ACOT7: variants seen among roughly 807,000 people sequenced by gnomAD.
ACOT7 encodes acyl-CoA thioesterase 7, also known as cytosolic acyl coenzyme A thioester hydrolase.
ACOT7 carries 12 observed loss-of-function variants against 40.2 expected under a neutral mutation model. The ratio of observed to expected loss-of-function variants is 0.30; its 90% CI spans 0.19 to 0.48. The LOEUF is 0.48. ACOT7 is among the 20% of genes least tolerant of loss of function. The pLI is 0.99. For missense variants in ACOT7, 395 were observed against 530.8 expected (o/e 0.74, Z 2.51); for synonymous variants, 228 against 219.5 (o/e 1.04, Z -0.34).
chr1:6,277,374 C>T (rs1042503359), intron 8 of ACOT7, among the ~76,000 whole-genome samples: 7 of 152,252 alleles, frequency 4.6e-5, no homozygotes, highest in African/African-American at 1.7e-4. Context: ...GGAGGATGCC[C>T]CCCACTATCA....
At chr1:6,273,954 CTT>C (rs1253322169) in intron 8 of ACOT7, among the ~76,000 whole-genome samples, 1 of 152,230 alleles carries the variant, frequency 6.6e-6, no homozygotes, top group Non-Finnish European at 1.5e-5. Context: ...GTGGGGACCT[CTT>C]TCTCTGTCCT....
In ACOT7 at chr1:6,359,852, C is replaced by G. The variant is rs376362421; in HGVS notation, c.144-9986G>C. ...TCAACCAGGCTGCACCCGCCGGCCT[C>G]TGGGCAAGTTTCACATGTTTAGTTG... On this transcript the variant is annotated intron_variant, in intron 1 of 8. Coordinates refer to ENST00000361521, the MANE Select transcript of ACOT7 (RefSeq NM_007274.4). This position sits in a 1 kb window ranked among gnomAD's most constrained non-coding sequence, Gnocchi z 4.1. Among the ~76,000 whole-genome samples the G allele has an allele frequency of 9.2e-5, 14 of 152,278 alleles. No individual in the cohort carries two copies. The East Asian group carries it at 2.1e-3, about 23-fold the overall frequency.
At position 6,355,367 on chromosome 1, in the gene ACOT7, A is replaced by T. The variant is rs1420321228; in HGVS notation, c.144-5501T>A. 6.6e-6 allele frequency among the ~76,000 whole-genome samples: 1 copy of T among 152,196 alleles called. No individual in the cohort carries two copies. The highest frequency in any genetic ancestry group is 1.5e-5 in the Non-Finnish European group (1 of 68,040). On this transcript the variant is annotated intron_variant, in intron 1 of 8. Transcript: ENST00000361521. This position sits in a 1 kb window ranked among gnomAD's most constrained non-coding sequence, Gnocchi z 5.0. ...GGTACTCACTGCACAGCCGTGTATA[A>T]CGCAGGACATGGGCCAGCGCCGAGA...
chr1:6,384,128 C>G (rs938852690), intron 1 of ACOT7, among the ~76,000 whole-genome samples: 39 of 151,886 alleles, frequency 2.6e-4, no homozygotes, highest in Admixed American at 2.0e-3. Flanking sequence ...GGACTTGCAT[C>G]TAGAATATAT....
chr1:6,363,681 C>T (rs1401732953), intron 1 of ACOT7, among the ~76,000 whole-genome samples: 5 of 152,166 alleles, frequency 3.3e-5, no homozygotes, highest in African/African-American at 1.2e-4. Flanking sequence ...ATGTGACCCA[C>T]GTGACCTTAC....
At chr1:6,372,484 C>T (rs540270947) in intron 1 of ACOT7, among the ~76,000 whole-genome samples, 3 of 152,082 alleles carry the variant, frequency 2.0e-5, no homozygotes, top group East Asian at 3.9e-4. Context: ...GTTTGGCACA[C>T]GAGGCCTAGC....
intron 1 of ACOT7, among the ~76,000 whole-genome samples, chr1:6,374,887 A>G (rs1399051431): frequency 6.6e-6 from 1 of 152,188 alleles, no homozygotes; most frequent in African/African-American, 2.4e-5. Context: ...CATCTGCTGA[A>G]AACGATGGCT....
intron 1 of ACOT7, among the ~76,000 whole-genome samples, chr1:6,353,679 T>C (rs1641659363): frequency 6.6e-6 from 1 of 152,198 alleles, no homozygotes; most frequent in Admixed American, 6.5e-5. Flanking sequence ...ATCTCTAGGA[T>C]TCCTGGGGTT....
intron 1 of ACOT7, among the ~76,000 whole-genome samples, chr1:6,369,343 C>T (rs1444913595): frequency 6.7e-6 from 1 of 148,322 alleles, no homozygotes; most frequent in African/African-American, 2.5e-5. Flanking sequence ...TTTCAATTTA[C>T]ATTGCCCAGA....
intron 2 of ACOT7, among the ~76,000 whole-genome samples, chr1:6,347,252 G>C (rs1182379792): frequency 6.6e-6 from 1 of 152,142 alleles, no homozygotes; most frequent in Non-Finnish European, 1.5e-5. Context: ...CACCATCCTG[G>C]GGACCAGCCT....
intron 2 of ACOT7, among the ~76,000 whole-genome samples, chr1:6,348,114 C>T (rs1641483642): frequency 1.3e-5 from 2 of 151,834 alleles, no homozygotes; most frequent in South Asian, 2.1e-4. Flanking sequence ...CCACAGCCAC[C>T]AGAGGGTGCT....
At chr1:6,376,225 C>T (rs187127242) in intron 1 of ACOT7, among the ~76,000 whole-genome samples, 1 of 151,910 alleles carries the variant, frequency 6.6e-6, no homozygotes, top group East Asian at 2.0e-4. Flanking sequence ...CAGTGCACTC[C>T]AGCCTGAGGA....
intron 6 of ACOT7, among the ~76,000 whole-genome samples, chr1:6,315,358 C>T (rs1283119228): frequency 6.6e-6 from 1 of 152,200 alleles, no homozygotes; most frequent in Non-Finnish European, 1.5e-5. Context: ...CCATTCTTGC[C>T]AACAGTACTT....
At chr1:6,322,117 C>A (rs542676156) in intron 5 of ACOT7, among the ~76,000 whole-genome samples, 1 of 152,180 alleles carries the variant, frequency 6.6e-6, no homozygotes, top group African/African-American at 2.4e-5. Flanking sequence ...TGTCGGGGCC[C>A]CCAGGGGCTC....
intron 1 of ACOT7, among the ~76,000 whole-genome samples, chr1:6,350,881 G>A (rs141548617): frequency 6.6e-6 from 1 of 152,354 alleles, no homozygotes; most frequent in East Asian, 1.9e-4. Flanking sequence ...ACCTGGGCAA[G>A]CTGTCAGAAC....
intron 8 of ACOT7, among the ~76,000 whole-genome samples, chr1:6,276,956 C>T (rs1345935207): frequency 6.6e-6 from 1 of 152,136 alleles, no homozygotes; most frequent in African/African-American, 2.4e-5. Flanking sequence ...GCAGCCCCTT[C>T]CCCCAGGGCT....
At chr1:6,376,927 G>T (rs868440092) in intron 1 of ACOT7, among the ~76,000 whole-genome samples, 2 of 152,130 alleles carry the variant, frequency 1.3e-5, no homozygotes, top group Non-Finnish European at 2.9e-5. Flanking sequence ...CCAAAGACCC[G>T]AACAGATGCC....
chr1:6,348,238 C>T (rs1157527554), intron 2 of ACOT7, among the ~76,000 whole-genome samples: 2 of 152,168 alleles, frequency 1.3e-5, no homozygotes, highest in Non-Finnish European at 2.9e-5. Flanking sequence ...CACTCCTGAA[C>T]CTGTACCACA....
At chr1:6,366,920 C>CG (rs1481898646) in intron 1 of ACOT7, among the ~76,000 whole-genome samples, 1 of 152,030 alleles carries the variant, frequency 6.6e-6, no homozygotes, top group Non-Finnish European at 1.5e-5. Flanking sequence ...GGAGTCAGGC[C>CG]GGGCGCGGTG....
Sources: allele counts gnomAD v4.1 joint callset (sites outside exome capture counted in the v4.1 genomes callset), GRCh38; gene constraint gnomAD v4.1.1; non-coding constraint Gnocchi (gnomAD v3.1); transcripts MANE v1.5; gene names NCBI Gene and HGNC (gene_info 2026-07-23, HGNC 2026-07-21).